MEF2A: variants seen among roughly 807,000 people sequenced by gnomAD.
The protein encoded by MEF2A is myocyte-specific enhancer factor 2A.
MEF2A carries 28 observed loss-of-function variants against 55.8 expected under a neutral mutation model. The ratio of observed to expected loss-of-function variants is 0.50; its 90% confidence interval spans 0.37 to 0.69. MEF2A has a LOEUF of 0.69. Among genes scored for constraint, MEF2A ranks in the 30% least tolerant of loss-of-function variants. MEF2A has a pLI of 0.00. For missense variants in MEF2A, 528 were observed against 626.2 expected (o/e 0.84, Z 1.67); for synonymous variants, 239 against 227.1 (o/e 1.05, Z -0.47).
chr15:99,703,951 A>G (rs1264166138), intron 9 of MEF2A, among the ~76,000 whole-genome samples: 1 of 152,224 alleles, frequency 6.6e-6, no homozygotes, highest in African/African-American at 2.4e-5. Context: ...TCTTTTCTTA[A>G]AAGCAACTAT....
At chr15:99,593,848 CT>C (rs771823167) in intron 1 of MEF2A, among the ~76,000 whole-genome samples, 19 of 152,120 alleles carry the variant, frequency 1.2e-4, no homozygotes, top group African/African-American at 3.9e-4. Flanking sequence ...CTTCAAAGGT[CT>C]TGTTTCTTTC....
At chr15:99,686,070 C>A (rs2054160604) in intron 7 of MEF2A, among the ~76,000 whole-genome samples, 1 of 152,142 alleles carries the variant, frequency 6.6e-6, no homozygotes, top group South Asian at 2.1e-4. Flanking sequence ...ATTTATCCAT[C>A]TCCTCTAGAT....
intron 11 of MEF2A, 62 bp downstream of exon 11, chr15:99,710,822 C>G: frequency 6.5e-7 from 1 of 1,537,406 alleles, no homozygotes. Flanking sequence ...CTTTTCCTAT[C>G]AGTGACAGCC....
intron 1 of MEF2A, among the ~76,000 whole-genome samples, chr15:99,575,253 A>G (rs1963907877): frequency 6.6e-6 from 1 of 152,158 alleles, no homozygotes; most frequent in Non-Finnish European, 1.5e-5. Context: ...CCATAGTGTC[A>G]ATAATATCCT....
chr15:99,685,919 G>C (rs899275059), intron 7 of MEF2A, among the ~76,000 whole-genome samples: 1 of 152,064 alleles, frequency 6.6e-6, no homozygotes, highest in Non-Finnish European at 1.5e-5. Context: ...ATAGAATTCG[G>C]CTCTGAATTC....
intron 7 of MEF2A, among the ~76,000 whole-genome samples, chr15:99,676,786 G>A (rs1437156841): frequency 6.6e-6 from 1 of 152,004 alleles, no homozygotes; most frequent in Non-Finnish European, 1.5e-5. Context: ...TAGCCAGGAT[G>A]GTCTCAATCT....
At chr15:99,580,143 A>G (rs769512840) in intron 1 of MEF2A, among the ~76,000 whole-genome samples, 3 of 152,072 alleles carry the variant, frequency 2.0e-5, no homozygotes, top group Non-Finnish European at 2.9e-5. Context: ...TCTTGCCACA[A>G]AGCTTTGGGG....
intron 4 of MEF2A, among the ~76,000 whole-genome samples, chr15:99,671,016 C>G (rs2050762337): frequency 6.6e-6 from 1 of 152,146 alleles, no homozygotes; most frequent in Admixed American, 6.5e-5. Context: ...ATAAATTGAT[C>G]AGGCTTTAAT....
At chr15:99,566,184 G>C in intron 1 of MEF2A, 80 bp downstream of exon 1, 1 of 140,620 alleles carries the variant, frequency 7.1e-6, no homozygotes, top group Non-Finnish European at 1.6e-5. Flanking sequence ...AGGGGACCGA[G>C]TAGGGGTTGG....
chr15:99,578,695 A>G (rs1408552734), intron 1 of MEF2A, among the ~76,000 whole-genome samples: 1 of 152,200 alleles, frequency 6.6e-6, no homozygotes, highest in African/African-American at 2.4e-5. Context: ...GCTATAACGC[A>G]GCATATTTAT....
intron 2 of MEF2A, among the ~76,000 whole-genome samples, chr15:99,618,765 A>G (rs531993277): frequency 2.0e-5 from 3 of 152,352 alleles, no homozygotes; most frequent in East Asian, 3.9e-4. Context: ...AATCTAGGTA[A>G]TAGGCAGGCA....
chr15:99,653,576 T>C (rs1307142009), intron 4 of MEF2A, among the ~76,000 whole-genome samples: 3 of 152,200 alleles, frequency 2.0e-5, no homozygotes, highest in Non-Finnish European at 4.4e-5. Flanking sequence ...TGATTGTGTA[T>C]GCTAAGGGTA....
chr15:99,652,316 A>G (rs1022781525), intron 4 of MEF2A, among the ~76,000 whole-genome samples: 2 of 152,128 alleles, frequency 1.3e-5, no homozygotes, highest in African/African-American at 4.8e-5. Context: ...TGCAGTTCGC[A>G]GTAGGTTTCA....
chr15:99,613,452 C>T (rs1057514150), intron 2 of MEF2A, among the ~76,000 whole-genome samples: 11 of 152,112 alleles, frequency 7.2e-5, no homozygotes, highest in African/African-American at 2.4e-4. Context: ...TAACAGTCCC[C>T]GCACCCACCC....
chr15:99,670,226 A>G (rs2050583123), intron 4 of MEF2A, among the ~76,000 whole-genome samples: 1 of 152,234 alleles, frequency 6.6e-6, no homozygotes, highest in Non-Finnish European at 1.5e-5. Context: ...GTTAAAAATA[A>G]AAATCAGAAA....
intron 7 of MEF2A, among the ~76,000 whole-genome samples, chr15:99,689,301 G>A (rs1406575009): frequency 6.6e-6 from 1 of 152,184 alleles, no homozygotes; most frequent in Non-Finnish European, 1.5e-5. Context: ...TTAGAAATGA[G>A]TGCTGAATAA....
rs1055718907 is a variant in MEF2A at position 99,712,325 on chromosome 15, T to C, written c.1137-65T>C. ...CTTTTCCATCAGGCAGTGTCTCTAC[T>C]GTATCATCCCAGTTTTGCAGAGGTA... On this transcript the variant is annotated intron_variant, in intron 11 of 11. Transcript: ENST00000557942. The surrounding 1 kb of genome is among the most constrained non-coding windows in gnomAD (Gnocchi z 4.1). 16 of 1,470,500 alleles carry C rather than the reference T, an allele frequency of 1.1e-5. No individual in the cohort carries two copies. The highest frequency in any genetic ancestry group is 2.4e-5 in the Admixed American group (1 of 42,352). The allele number at this position is 1,470,500 out of a possible 1,614,324, so 91.1% of individuals were successfully genotyped here. A position where few individuals can be genotyped will look rare whatever the true frequency, so the allele number is the denominator to read the frequency against.
chr15:99,636,056 A>C (rs542821365), intron 3 of MEF2A, among the ~76,000 whole-genome samples: 3 of 152,196 alleles, frequency 2.0e-5, no homozygotes, highest in Non-Finnish European at 4.4e-5. Flanking sequence ...GGTCTTGAGC[A>C]ATACTGGGTA....
chr15:99,603,374 T>A (rs1005208118), intron 2 of MEF2A, among the ~76,000 whole-genome samples: 30 of 87,724 alleles, frequency 3.4e-4, no homozygotes, highest in Non-Finnish European at 3.4e-4. Context: ...GTTAGTAAAA[T>A]TTTTTTTTTT....
Sources: allele counts gnomAD v4.1 joint callset (sites outside exome capture counted in the v4.1 genomes callset), GRCh38; gene constraint gnomAD v4.1.1; non-coding constraint Gnocchi (gnomAD v3.1); transcripts MANE v1.5; gene names NCBI Gene and HGNC (gene_info 2026-07-23, HGNC 2026-07-21).